Variants in HYPK observed in about 807,000 individuals in gnomAD.
The protein encoded by HYPK is huntingtin interacting protein K.
A neutral mutation model predicts 13.9 loss-of-function variants in HYPK; 9 were observed. That is an observed-to-expected ratio of 0.65 (90% CI 0.39 to 1.13). The LOEUF (loss-of-function observed/expected upper bound fraction) is 1.13. HYPK is among the 50% of genes most tolerant of loss of function. HYPK has a pLI of 0.01. For synonymous variants in HYPK, 76 were observed against 57.0 expected (o/e 1.33, Z -1.50); for missense variants, 138 against 157.6 (o/e 0.88, Z 0.67).
In HYPK at chr15:43,801,653, G is replaced by A. The variant is rs1596051787; in HGVS notation, c.271-58G>A. The stretch of plus-strand genomic sequence containing the variant: ...TTGTTTCCTGAAACAAGCGGAGTCA[G>A]TATATTTGGTGGCACATTAATGCCT... On this transcript the variant is annotated intron_variant, in intron 3 of 3. Transcript: ENST00000442995. The A allele has an allele frequency of 6.2e-6, 10 of 1,608,248 alleles. No homozygotes were observed. In the East Asian group the frequency reaches 2.2e-4, roughly 36 times the overall value.
intron 3 of HYPK, 66 bp from the exon 4 acceptor site, chr15:43,801,645 C>T (rs182036162): frequency 1.2e-5 from 20 of 1,605,586 alleles, no homozygotes; most frequent in South Asian, 3.3e-5. Flanking sequence ...CTGAAACAAG[C>T]GGAGTCAGTA....
rs577767785 is a variant in HYPK at position 43,803,835 on chromosome 15, G to C, written c.*2029G>C. On this transcript the variant is annotated 3_prime_UTR_variant, in exon 4 of 4. Coordinates refer to ENST00000442995, the MANE Select transcript of HYPK (RefSeq NM_016400.4). ...CAGCTTGGACCAACTCACACATGTT[G>C]AACTAGTTTCCTCAACTATAAAACT... Among the ~76,000 whole-genome samples, 1 of 149,770 alleles carries C rather than the reference G, an allele frequency of 6.7e-6. No homozygotes were observed. The highest frequency in any genetic ancestry group is 2.4e-5 in the African/African-American group (1 of 40,860).
In HYPK at chr15:43,801,874, GTTT is replaced by G; in HGVS notation, c.*70_*72del. On this transcript the variant is annotated 3_prime_UTR_variant, in exon 4 of 4. Coordinates refer to ENST00000442995, the MANE Select transcript of HYPK (RefSeq NM_016400.4). ...ATAAAATTTTTTTTTGTCTTTTTCA[GTTT>G]TATCATCTTGGGTCAAGTAGAGTGT... 1 of 1,331,062 alleles carries G rather than the reference GTTT, an allele frequency of 7.5e-7. No individual in the cohort carries two copies. The highest frequency in any genetic ancestry group is 1.1e-6 in the Non-Finnish European group (1 of 928,646). The allele number at this position is 1,331,062 out of a possible 1,614,324, so 82.5% of individuals were successfully genotyped here.
rs1057038071 is a variant in HYPK at position 43,802,457 on chromosome 15, T to G, written c.*651T>G. The G allele has an allele frequency of 2.7e-5, 4 of 149,720 alleles. No homozygotes were observed. The highest frequency in any genetic ancestry group is 9.9e-5 in the African/African-American group (4 of 40,330). The allele number at this position is 149,720 out of a possible 1,614,324, so 9.3% of individuals were successfully genotyped here. A position where few individuals can be genotyped will look rare whatever the true frequency, so the allele number is the denominator to read the frequency against. ...TGGGCGCCTATAATCCCAGCTATTC[T>G]GGAGGCTGAGGCAGGAATCGCTTGA... On this transcript the variant is annotated 3_prime_UTR_variant, in exon 4 of 4. Transcript: ENST00000442995.
chr15:43,801,329 T>C (rs1263957482), intron 2 of HYPK, 142 bp downstream of exon 2: 1 of 890,850 alleles, frequency 1.1e-6, no homozygotes, highest in Non-Finnish European at 1.8e-6. Context: ...ACTTTACTCT[T>C]GTTAGCAGAA....
rs1567173926 is a variant in HYPK, at chr15:43,801,568, TAGTG to T, written c.270+4_270+7del. 4 of 1,613,514 alleles carry T rather than the reference TAGTG, an allele frequency of 2.5e-6. No homozygotes were observed. Among genetic ancestry groups the T allele is most frequent in the African/African-American group, 1.3e-5 (1 of 74,918 alleles). ...ATCAAGAAGGAAGATCTGGAGCTAA[TAGTG>T]AGTGGTAGTGCCTAACTAGTGTATG... On this transcript the variant is annotated splice_donor_variant and splice_donor_region_variant and coding_sequence_variant and intron_variant, in exon 3 of 4. Transcript: ENST00000442995. LOFTEE classifies it high-confidence loss of function.
In HYPK at chr15:43,804,161, T is replaced by C. The variant is rs1316097337; in HGVS notation, c.*2355T>C. Among the ~76,000 whole-genome samples the C allele has an allele frequency of 6.6e-6, 1 of 152,064 alleles. No homozygotes were observed. The highest frequency in any genetic ancestry group is 2.4e-5 in the African/African-American group (1 of 41,406). On this transcript the variant is annotated 3_prime_UTR_variant, in exon 4 of 4. Transcript: ENST00000442995. ...TGCTGTAAGGACACTCAAATGGCAA[T>C]TACAGACATTTCTCCAAGAGTTTCA...
chr15:43,803,295 CTGAGATGGATTTGCTTGAGCCTGGGAGGT>C lies in HYPK; in HGVS notation c.*1494_*1522del. Among the ~76,000 whole-genome samples, 1 of 150,856 alleles carries C rather than the reference CTGAGATGGATTTGCTTGAGCCTGGGAGGT, an allele frequency of 6.6e-6. No homozygotes were observed. The highest frequency in any genetic ancestry group is 2.4e-5 in the African/African-American group (1 of 41,142). ...TCTGTGGTCCCAGATACTCTGGAGGCTGAGATGGATTTGCTTGAGCCTGGGAGGTTGAGGCTGCAGTGAGCTGAGATTGT... is the reference window on the plus strand; with the variant it reads ...TCTGTGGTCCCAGATACTCTGGAGGCTGAGGCTGCAGTGAGCTGAGATTGT... On this transcript the variant is annotated 3_prime_UTR_variant, in exon 4 of 4. Coordinates refer to ENST00000442995, the MANE Select transcript of HYPK (RefSeq NM_016400.4).
intron 1 of HYPK, 88 bp from the exon 2 acceptor site, chr15:43,801,044 C>T: frequency 8.7e-7 from 1 of 1,153,928 alleles, no homozygotes; most frequent in South Asian, 1.2e-5. Flanking sequence ...CATCGTGAAT[C>T]CATGCATGAA....
At chr15:43,801,313 G>A in intron 2 of HYPK, 126 bp downstream of exon 2, 3 of 943,344 alleles carry the variant, frequency 3.2e-6, no homozygotes, top group Non-Finnish European at 5.0e-6. Flanking sequence ...AGATCTAGGC[G>A]CCACAACTTT....
At chr15:43,800,844 T>A in intron 1 of HYPK, 60 bp downstream of exon 1, 1 of 1,454,288 alleles carries the variant, frequency 6.9e-7, no homozygotes, top group Non-Finnish European at 9.3e-7. Flanking sequence ...TCTGAGGCTG[T>A]AGCTGGAAGC....
At chr15:43,801,034 C>G (rs574813557) in intron 1 of HYPK, 98 bp from the exon 2 acceptor site, 2 of 1,079,704 alleles carry the variant, frequency 1.9e-6, no homozygotes, top group East Asian at 2.4e-5. Flanking sequence ...TAACACTTGT[C>G]ATCGTGAATC....
Position 43,800,659 on chromosome 15 carries a change from A to G in HYPK, c.37A>G (p.Thr13Ala). 1 of 1,614,042 alleles carries G rather than the reference A, an allele frequency of 6.2e-7. No homozygotes were observed. The highest frequency in any genetic ancestry group is 8.5e-7 in the Non-Finnish European group (1 of 1,180,004). The part of the protein sequence containing the change: ...TEGDVELELE[T>A]ETSGPERPPE... ...GGGGGATGTGGAGCTGGAGTTGGAG[A>G]CTGAGACCAGTGGACCAGAGCGGCC... Residue 13 changes from threonine (T) to alanine (A), a missense_variant, in exon 1 of 4, where the codon ACT becomes GCT. Thr to Ala is a moderately conservative substitution (Grantham distance 58, BLOSUM62 0). Coordinates refer to ENST00000442995, the MANE Select transcript of HYPK (RefSeq NM_016400.4).
chr15:43,800,483 T>C, upstream of HYPK: 2 of 1,175,880 alleles, frequency 1.7e-6, no homozygotes, highest in South Asian at 1.3e-5. Flanking sequence ...CGAACCGCCT[T>C]CCTCCCTGAA....
chr15:43,800,739 C>A lies in HYPK; in HGVS notation c.117C>A (p.Thr39=). 1 of 1,613,706 alleles carries A rather than the reference C, an allele frequency of 6.2e-7. No individual in the cohort carries two copies. ...DSGAADLERV[T]DYAEEKEIQS... ...GTGCGGCGGACTTGGAGCGGGTCAC[C>A]GACTATGCAGAGGAGAAGGAGATCC... is the stretch of plus-strand genomic sequence containing the variant. Residue 39 remains threonine, a synonymous_variant, in exon 1 of 4, where the codon ACC becomes ACA. Transcript: ENST00000442995.
At position 43,801,122 on chromosome 15, in the gene HYPK, T is replaced by A. The variant is rs1221299824; in HGVS notation, c.163-10T>A. The A allele has an allele frequency of 6.2e-7, 1 of 1,613,052 alleles. No individual in the cohort carries two copies. The highest frequency in any genetic ancestry group is 8.5e-7 in the Non-Finnish European group (1 of 1,179,182). On this transcript the variant is annotated splice_polypyrimidine_tract_variant and intron_variant, in intron 1 of 3. Transcript: ENST00000442995. Reference sequence around the variant, plus strand: ...TAGCGGTGCAGTAACTAGACCTGCCTTTCCCATAGGCCATGTCTGTGATTG... The same window carrying A: ...TAGCGGTGCAGTAACTAGACCTGCCATTCCCATAGGCCATGTCTGTGATTG...
chr15:43,803,788 C>CA lies in HYPK; in HGVS notation c.*2002dup, dbSNP rs35814039. Among the ~76,000 whole-genome samples, 484 of 102,308 alleles carry CA rather than the reference C, an allele frequency of 4.7e-3. 4 individuals are homozygous for CA. The highest frequency in any genetic ancestry group is 0.011 in the African/African-American group (287 of 27,116). 67.1% of individuals were successfully genotyped at this position (102,308 alleles called of 152,430 possible). On this transcript the variant is annotated 3_prime_UTR_variant, in exon 4 of 4. Transcript: ENST00000442995. ...GGGCAACAAGAGTGAAACTCCATCT[C>CA]AAAAAAAAAAAAAAAAAAAATCAGC...
Position 43,803,169 on chromosome 15 carries a change from G to C in HYPK, c.*1363G>C, listed in dbSNP as rs1184901658. ...TTGGGGAGGCTGGGCTGGGAGGACT[G>C]TGTCAGGTCAGGATTTCCAGACCAG... On this transcript the variant is annotated 3_prime_UTR_variant, in exon 4 of 4. Transcript: ENST00000442995. The C allele has an allele frequency of 6.6e-6, 1 of 151,028 alleles. No homozygotes were observed. Among genetic ancestry groups the C allele is most frequent in the African/African-American group, 2.4e-5 (1 of 40,942 alleles). The allele number at this position is 151,028 out of a possible 1,614,324, so 9.4% of individuals were successfully genotyped here.
rs891608667 is a variant in HYPK, at chr15:43,802,710, A to G, written c.*904A>G. The G allele has an allele frequency of 3.9e-5, 6 of 151,968 alleles. No individual in the cohort carries two copies. Among genetic ancestry groups the G allele is most frequent in the Non-Finnish European group, 7.3e-5 (5 of 68,072 alleles). 9.4% of individuals were successfully genotyped at this position (151,968 alleles called of 1,614,324 possible). A position where few individuals can be genotyped will look rare whatever the true frequency, so the allele number is the denominator to read the frequency against. On this transcript the variant is annotated 3_prime_UTR_variant, in exon 4 of 4. Transcript: ENST00000442995. The stretch of plus-strand genomic sequence containing the variant: ...AACATGGTGAAACCCTGTCTCTACT[A>G]AAAATACAAAAAAAATAAAATTAGC...
Sources: allele counts gnomAD v4.1 joint callset (sites outside exome capture counted in the v4.1 genomes callset), GRCh38; gene constraint gnomAD v4.1.1; transcripts MANE v1.5; gene names NCBI Gene and HGNC (gene_info 2026-07-23, HGNC 2026-07-21).